TRHR: variants seen among roughly 807,000 people sequenced by gnomAD.
TRHR encodes the protein thyrotropin releasing hormone receptor, also known as thyrotropin-releasing hormone receptor.
Under a neutral mutation model 28.0 loss-of-function variants are expected in TRHR, and 14 were observed. The observed-to-expected ratio is 0.50, with a 90% CI of 0.33 to 0.78. TRHR has a LOEUF of 0.78. TRHR is among the 30% of genes least tolerant of loss of function. TRHR has a pLI of 0.02. For synonymous variants in TRHR, 176 were observed against 171.9 expected, an observed-to-expected ratio of 1.02 and a Z score of -0.18; for missense variants, 438 against 469.5, an observed-to-expected ratio of 0.93 and a Z score of 0.62.
chr8:109,092,840 C>G (rs1009872237), intron 2 of TRHR, among the ~76,000 whole-genome samples: 3 of 152,028 alleles, frequency 2.0e-5, no homozygotes, highest in African/African-American at 7.2e-5. Flanking sequence ...ATATAGAAAA[C>G]TAGGAATAGG....
At chr8:109,115,128 T>C (rs1354811591) in intron 2 of TRHR, among the ~76,000 whole-genome samples, 1 of 152,248 alleles carries the variant, frequency 6.6e-6, no homozygotes, top group East Asian at 1.9e-4. Context: ...TAGTTGTAGA[T>C]ATGCGGCGTT....
At chr8:109,089,405 T>C (rs1811491967) in intron 2 of TRHR, among the ~76,000 whole-genome samples, 1 of 151,790 alleles carries the variant, frequency 6.6e-6, no homozygotes, top group Non-Finnish European at 1.5e-5. Flanking sequence ...TCATTCACAC[T>C]GTTACTTCAT....
chr8:109,100,066 G>A (rs1167475943), intron 2 of TRHR, among the ~76,000 whole-genome samples: 4 of 152,142 alleles, frequency 2.6e-5, no homozygotes, highest in African/African-American at 9.7e-5. Flanking sequence ...AGTGACTCAA[G>A]CCCCTGGCAA....
In TRHR at chr8:109,088,153, T is replaced by A. The variant is rs920015557; in HGVS notation, c.641T>A (p.Ile214Lys). 4.3e-6 allele frequency: 7 copies of A among 1,614,212 alleles called. No individual in the cohort carries two copies. The East Asian group carries it at 8.9e-5, about 21-fold the overall frequency. The change falls in exon 2 of 3, where the codon ATA (isoleucine) becomes AAA (lysine). Residue 214 changes from isoleucine (I) to lysine (K), a missense_variant. Transcript: ENST00000518632. ...CTGGCTACCGTCCTCTATGGATTCA[T>A]AGCTAGAATCCTTTTCTTAAATCCC... The part of the protein sequence containing the change: ...MILATVLYGF[I>K]ARILFLNPIP...
Position 109,087,465 on chromosome 8 carries a change from A to T in TRHR, c.-48A>T. ...GCAATAAAGGTGGGCGCTGGAAAGA[A>T]GATGTTTTGAGAAGTCAGTGTTTCC... On this transcript the variant is annotated 5_prime_UTR_variant, in exon 2 of 3. It adds an upstream start codon to the 5' untranslated region. Transcript: ENST00000518632. The T allele has an allele frequency of 6.2e-7, 1 of 1,607,648 alleles. No individual in the cohort carries two copies. Among genetic ancestry groups the T allele is most frequent in the Non-Finnish European group, 8.5e-7 (1 of 1,175,520 alleles).
Position 109,088,015 on chromosome 8 carries a change from T to A in TRHR, c.503T>A (p.Ile168Asn). 1 of 1,614,106 alleles carries A rather than the reference T, an allele frequency of 6.2e-7. No individual in the cohort carries two copies. Among genetic ancestry groups the A allele is most frequent in the Non-Finnish European group, 8.5e-7 (1 of 1,180,026 alleles). ...MLWFFLLDLN[I>N]STYKDAIVIS... Reference sequence around the variant, plus strand: ...TGGTTCTTCTTGCTGGATCTCAATATTAGCACCTACAAAGATGCTATTGTG... The same window carrying A: ...TGGTTCTTCTTGCTGGATCTCAATAATAGCACCTACAAAGATGCTATTGTG... Residue 168 changes from isoleucine to asparagine, a missense_variant, in exon 2 of 3, where the codon ATT (isoleucine) becomes AAT (asparagine). Physicochemically the swap from Ile to Asn is moderately radical, Grantham distance 149. Coordinates refer to ENST00000518632, the MANE Select transcript of TRHR (RefSeq NM_003301.7).
At chr8:109,109,333 C>T (rs1239498465) in intron 2 of TRHR, among the ~76,000 whole-genome samples, 1 of 151,686 alleles carries the variant, frequency 6.6e-6, no homozygotes, top group East Asian at 1.9e-4. Context: ...TTTGATATAC[C>T]AATGCCTCAA....
At chr8:109,092,813 CAT>C (rs1032739089) in intron 2 of TRHR, among the ~76,000 whole-genome samples, 5 of 149,794 alleles carry the variant, frequency 3.3e-5, no homozygotes, top group Admixed American at 1.3e-4. Flanking sequence ...TAAAAGCAGT[CAT>C]GTGTATTATG....
intron 2 of TRHR, among the ~76,000 whole-genome samples, chr8:109,095,021 G>C (rs1227968320): frequency 6.6e-6 from 1 of 151,042 alleles, no homozygotes; most frequent in Non-Finnish European, 1.5e-5. Flanking sequence ...TTTTTAATGA[G>C]TTGGGGTAAA....
chr8:109,088,412 T>C (rs1480501438), intron 2 of TRHR, 111 bp downstream of exon 2: 1 of 1,122,966 alleles, frequency 8.9e-7, no homozygotes, highest in Non-Finnish European at 1.3e-6. Context: ...AATACAATCA[T>C]GCAAATGTTT....
At chr8:109,094,951 A>G (rs1811567154) in intron 2 of TRHR, among the ~76,000 whole-genome samples, 1 of 151,908 alleles carries the variant, frequency 6.6e-6, no homozygotes, top group Non-Finnish European at 1.5e-5. Flanking sequence ...CAGATACTCC[A>G]AGTTCCAGAC....
intron 2 of TRHR, among the ~76,000 whole-genome samples, chr8:109,116,231 G>A (rs1478280445): frequency 2.0e-5 from 3 of 152,084 alleles, no homozygotes; most frequent in East Asian, 1.9e-4. Context: ...CTTTTGCATC[G>A]ATGTTCATCA....
intron 2 of TRHR, among the ~76,000 whole-genome samples, chr8:109,113,982 C>T (rs1460286445): frequency 1.3e-5 from 2 of 151,958 alleles, no homozygotes; most frequent in African/African-American, 4.8e-5. Context: ...AGAAATCTGT[C>T]CAATTCACAT....
chr8:109,109,921 T>C (rs1409675512), intron 2 of TRHR, among the ~76,000 whole-genome samples: 1 of 152,156 alleles, frequency 6.6e-6, no homozygotes, highest in Non-Finnish European at 1.5e-5. Context: ...GTACATTTGG[T>C]GATGCTAAGT....
At chr8:109,093,469 G>A (rs1390222960) in intron 2 of TRHR, among the ~76,000 whole-genome samples, 4 of 141,602 alleles carry the variant, frequency 2.8e-5, no homozygotes, top group South Asian at 2.3e-4. Flanking sequence ...GCAGTGGTGC[G>A]ATCTCGGCTC....
rs769220033 is a variant in TRHR, at chr8:109,088,220, T to G, written c.708T>G (p.Asn236Lys). 1 of 1,614,028 alleles carries G rather than the reference T, an allele frequency of 6.2e-7. No homozygotes were observed. The highest frequency in any genetic ancestry group is 2.2e-5 in the East Asian group (1 of 44,864). Residue 236 changes from asparagine (N) to lysine (K), a missense_variant, in exon 2 of 3, where the codon AAT (asparagine) becomes AAG (lysine). Physicochemically the swap from Asn to Lys is moderately conservative, Grantham distance 94 (BLOSUM62 0). Transcript: ENST00000518632. ...DPKENSKTWK[N>K]DSTHQNTNLN... ...AAGAAAACTCTAAGACATGGAAAAA[T>G]GATTCAACCCATCAGAACACAAATC...
chr8:109,117,937 A>C (rs1402826580), intron 2 of TRHR, among the ~76,000 whole-genome samples: 1 of 151,956 alleles, frequency 6.6e-6, no homozygotes, highest in East Asian at 1.9e-4. Context: ...AATATCCTAC[A>C]TACATTGAGT....
At chr8:109,090,390 T>C (rs1249750260) in intron 2 of TRHR, among the ~76,000 whole-genome samples, 1 of 152,260 alleles carries the variant, frequency 6.6e-6, no homozygotes, top group Admixed American at 6.5e-5. Flanking sequence ...TATGACGTGG[T>C]AACTTCTTTA....
chr8:109,088,244 T>G lies in TRHR; in HGVS notation c.732T>G (p.Asn244Lys). ...WKNDSTHQNT[N>K]LNVNTSNRCF... Reference sequence around the variant, plus strand: ...ATGATTCAACCCATCAGAACACAAATCTGAATGTAAATACCTCTAATAGAT... The same window carrying G: ...ATGATTCAACCCATCAGAACACAAAGCTGAATGTAAATACCTCTAATAGAT... The change falls in exon 2 of 3, where the codon AAT (asparagine) becomes AAG (lysine). Residue 244 changes from asparagine (N) to lysine (K), a missense_variant. Physicochemically the swap from Asn to Lys is moderately conservative, Grantham distance 94 (BLOSUM62 0). Transcript: ENST00000518632. 3 of 1,613,980 alleles carry G rather than the reference T, an allele frequency of 1.9e-6. No individual in the cohort carries two copies. Among genetic ancestry groups the G allele is most frequent in the South Asian group, 1.1e-5 (1 of 91,064 alleles).
Sources: allele counts gnomAD v4.1 joint callset (sites outside exome capture counted in the v4.1 genomes callset), GRCh38; gene constraint gnomAD v4.1.1; transcripts MANE v1.5; gene names NCBI Gene and HGNC (gene_info 2026-07-23, HGNC 2026-07-21).